ZNF365: variants seen among roughly 807,000 people sequenced by gnomAD.
ZNF365 encodes the protein protein ZNF365.
ZNF365 carries 22 observed loss-of-function variants against 35.0 expected under a neutral mutation model. The ratio of observed to expected loss-of-function variants is 0.63; its 90% confidence interval spans 0.45 to 0.90. ZNF365 has a LOEUF of 0.90. Ranked by LOEUF, ZNF365 falls within the 40% of genes least tolerant of loss-of-function variation. The pLI, the probability that ZNF365 is intolerant of heterozygous loss-of-function variation, is 0.00. For missense variants in ZNF365, 448 were observed against 500.3 expected (o/e 0.90, Z 1.00); for synonymous variants, 188 against 196.2 (o/e 0.96, Z 0.35).
intron 3 of ZNF365, among the ~76,000 whole-genome samples, chr10:62,444,965 C>T (rs1008115898): frequency 9.9e-5 from 15 of 151,966 alleles, no homozygotes; most frequent in African/African-American, 3.6e-4. Context: ...GTGATGTTCC[C>T]CTTCCTGTGT....
chr10:62,443,317 A>G (rs940795470), intron 3 of ZNF365, among the ~76,000 whole-genome samples: 1 of 152,156 alleles, frequency 6.6e-6, no homozygotes, highest in Admixed American at 6.5e-5. Context: ...AAAACTGGAG[A>G]CAAACAGAGA....
chr10:62,445,993 G>T (rs1840581424), intron 3 of ZNF365, among the ~76,000 whole-genome samples: 1 of 152,178 alleles, frequency 6.6e-6, no homozygotes, highest in Admixed American at 6.6e-5. Flanking sequence ...GAGCTGATTT[G>T]GCCAAATCTA....
intron 3 of ZNF365, among the ~76,000 whole-genome samples, chr10:62,421,309 C>G (rs1840164392): frequency 6.6e-6 from 1 of 152,118 alleles, no homozygotes; most frequent in Admixed American, 6.5e-5. Flanking sequence ...AAATCTGTTA[C>G]CTGGCCTTTA....
intron 4 of ZNF365, among the ~76,000 whole-genome samples, chr10:62,475,799 T>G (rs1258436964): frequency 6.6e-6 from 1 of 152,162 alleles, no homozygotes; most frequent in Non-Finnish European, 1.5e-5. Flanking sequence ...CAGGCCCAAT[T>G]AAGCCACCAG....
At chr10:62,463,959 C>A (rs1840889536) in intron 4 of ZNF365, among the ~76,000 whole-genome samples, 2 of 152,118 alleles carry the variant, frequency 1.3e-5, no homozygotes, top group Admixed American at 1.3e-4. Context: ...ACACTGACAC[C>A]AGCGGGATGT....
At chr10:62,384,177 T>C (rs971239338) in intron 2 of ZNF365, among the ~76,000 whole-genome samples, 3 of 151,960 alleles carry the variant, frequency 2.0e-5, no homozygotes, top group Middle Eastern at 3.4e-3. Flanking sequence ...CAGTTAAATT[T>C]CCCCAACACT....
At chr10:62,420,576 A>G (rs1024398362) in intron 3 of ZNF365, among the ~76,000 whole-genome samples, 3 of 152,196 alleles carry the variant, frequency 2.0e-5, no homozygotes, top group East Asian at 1.9e-4. Context: ...AGGAAAGTAA[A>G]TAGAATACTT....
At chr10:62,424,925 T>A (rs1413419822) in intron 3 of ZNF365, among the ~76,000 whole-genome samples, 1 of 152,228 alleles carries the variant, frequency 6.6e-6, no homozygotes, top group Non-Finnish European at 1.5e-5. Context: ...ACAGAAGCAC[T>A]TTGGGAAATG....
intron 3 of ZNF365, among the ~76,000 whole-genome samples, chr10:62,409,592 T>G (rs1589440913): frequency 6.6e-6 from 1 of 152,128 alleles, no homozygotes; most frequent in African/African-American, 2.4e-5. Flanking sequence ...AGGGTTTTTT[T>G]GTATTCTTAG....
chr10:62,466,836 C>G (rs1192973026), intron 4 of ZNF365, among the ~76,000 whole-genome samples: 2 of 152,066 alleles, frequency 1.3e-5, no homozygotes, highest in Admixed American at 6.6e-5. Flanking sequence ...GGGTCTCACT[C>G]TGTTGCCCAG....
intron 3 of ZNF365, among the ~76,000 whole-genome samples, chr10:62,431,573 A>G (rs1022452798): frequency 6.6e-6 from 1 of 152,158 alleles, no homozygotes; most frequent in East Asian, 1.9e-4. Flanking sequence ...GGTCTACCCT[A>G]TTTTTGATGG....
chr10:62,411,721 A>C (rs1839988054), intron 3 of ZNF365, among the ~76,000 whole-genome samples: 1 of 152,082 alleles, frequency 6.6e-6, no homozygotes, highest in African/African-American at 2.4e-5. Flanking sequence ...TGGTGACTCC[A>C]GCTTTGTTCT....
At chr10:62,441,726 C>A (rs1016012146) in intron 3 of ZNF365, among the ~76,000 whole-genome samples, 2 of 152,086 alleles carry the variant, frequency 1.3e-5, no homozygotes, top group African/African-American at 4.8e-5. Flanking sequence ...ATTTTGGGAT[C>A]CCTACAATGT....
chr10:62,388,118 T>C (rs377399246), intron 2 of ZNF365, among the ~76,000 whole-genome samples: 1 of 152,348 alleles, frequency 6.6e-6, no homozygotes, highest in African/African-American at 2.4e-5. Flanking sequence ...CTCCTTTCCT[T>C]CCTCTGTCAC....
In ZNF365 at chr10:62,376,655, A is replaced by G. The variant is rs1289951350; in HGVS notation, c.462A>G (p.Lys154=). ...SGPGLPTSDT[K]ASFEAHVREK... ...CTGGACTGCCCACCTCAGACACCAAAGCTTCTTTCGAGGCACATGTCAGAG... is the reference window on the plus strand; with the variant it reads ...CTGGACTGCCCACCTCAGACACCAAGGCTTCTTTCGAGGCACATGTCAGAG... The change falls in exon 2 of 5, where the codon AAA becomes AAG. Residue 154 remains lysine, a synonymous_variant. Coordinates refer to ENST00000395254, the MANE Select transcript of ZNF365 (RefSeq NM_014951.3). 1 of 1,614,108 alleles carries G rather than the reference A, an allele frequency of 6.2e-7. No homozygotes were observed. The highest frequency in any genetic ancestry group is 1.3e-5 in the African/African-American group (1 of 75,026).
chr10:62,376,261 G>A lies in ZNF365; in HGVS notation c.68G>A (p.Cys23Tyr), dbSNP rs144485380. Residue 23 changes from cysteine (C) to tyrosine (Y), a missense_variant, in exon 2 of 5, where the codon TGC becomes TAC. Coordinates refer to ENST00000395254, the MANE Select transcript of ZNF365 (RefSeq NM_014951.3). ...WQESFENVAV[C>Y]LPLRCPRCGD... ...GAGTCCTTTGAGAATGTTGCTGTGT[G>A]CCTGCCATTACGCTGCCCGAGGTGT... The A allele has an allele frequency of 1.8e-5, 29 of 1,613,982 alleles. No individual in the cohort carries two copies. The African/African-American group carries it at 3.9e-4, about 22-fold the overall frequency.
At chr10:62,420,350 AT>A (rs974295185) in intron 3 of ZNF365, among the ~76,000 whole-genome samples, 2 of 152,080 alleles carry the variant, frequency 1.3e-5, no homozygotes, top group Non-Finnish European at 2.9e-5. Flanking sequence ...CAGTGATTCA[AT>A]TTTTTTGTTA....
chr10:62,397,592 A>G (rs921303395), intron 3 of ZNF365, among the ~76,000 whole-genome samples: 2 of 152,192 alleles, frequency 1.3e-5, no homozygotes, highest in Non-Finnish European at 2.9e-5. Context: ...ATAATTATCA[A>G]TTTATTCTGC....
intron 3 of ZNF365, among the ~76,000 whole-genome samples, chr10:62,390,619 G>A (rs972676728): frequency 6.6e-6 from 1 of 152,150 alleles, no homozygotes; most frequent in Admixed American, 6.5e-5. Flanking sequence ...ATTATATCCA[G>A]TTGTGTCGCT....
Sources: gnomAD v4.1 joint callset for allele counts (sites outside exome capture counted in the v4.1 genomes callset) on GRCh38, gnomAD v4.1.1 for gene constraint, MANE v1.5 for transcripts, NCBI Gene and HGNC (gene_info 2026-07-23, HGNC 2026-07-21) for gene names.